Variants in NAA11 observed in about 807,000 individuals in gnomAD.
NAA11 encodes N-alpha-acetyltransferase 11, NatA catalytic subunit.
NAA11 carries 15 observed loss-of-function variants against 16.1 expected under a neutral mutation model. The observed-to-expected ratio is 0.93, with a 90% CI of 0.62 to 1.44. The LOEUF (loss-of-function observed/expected upper bound fraction) is 1.44, where lower values mean the gene tolerates loss of function less well. Ranked by LOEUF, NAA11 falls within the 40% of genes most tolerant of loss-of-function variation. NAA11 has a pLI of 0.00. For missense variants in NAA11, 298 were observed against 291.3 expected, an observed-to-expected ratio of 1.02 and a Z score of -0.17; for synonymous variants, 122 against 112.4, an observed-to-expected ratio of 1.09 and a Z score of -0.54.
At chr4:79,266,439 A>G (rs1722347092) in intron 2 of NAA11, among the ~76,000 whole-genome samples, 1 of 152,190 alleles carries the variant, frequency 6.6e-6, no homozygotes. Context: ...GAAGAGAGAC[A>G]AAAGAAACCT....
the NAA11 span, among the ~76,000 whole-genome samples, chr4:79,201,097 A>T: frequency 9.8e-4 from 148 of 151,744 alleles, no homozygotes; most frequent in African/African-American, 3.4e-3. Context: ...TGCTATTCTT[A>T]GAAAATAAGG....
chr4:79,274,323 A>G (rs1240334586), intron 2 of NAA11, among the ~76,000 whole-genome samples: 1 of 152,042 alleles, frequency 6.6e-6, no homozygotes, highest in Non-Finnish European at 1.5e-5. Context: ...GAAGAACAAG[A>G]GGTGAAGTAC....
chr4:79,321,818 A>G lies in NAA11; in HGVS notation c.*12+3358T>C, dbSNP rs1724096307. Among the ~76,000 whole-genome samples, 4 of 152,232 alleles carry G rather than the reference A, an allele frequency of 2.6e-5. No individual in the cohort carries two copies. In the South Asian group the frequency reaches 8.3e-4, roughly 32 times the overall value. On this transcript the variant is annotated intron_variant, in intron 1 of 1. Coordinates refer to ENST00000286794, the MANE Select transcript of NAA11 (RefSeq NM_032693.3). ...AACACAAAGCACATATATTACAACA[A>G]AAGTATTTTTAAAATAGTTTGATAA...
chr4:79,171,042 C>T, the NAA11 span, among the ~76,000 whole-genome samples: 54 of 152,254 alleles, frequency 3.5e-4, no homozygotes, highest in South Asian at 8.3e-4. Flanking sequence ...ATGTTGATAA[C>T]ATAGTGCTTG....
chr4:79,219,240 G>A, the NAA11 span, among the ~76,000 whole-genome samples: 1 of 152,088 alleles, frequency 6.6e-6, no homozygotes, highest in Non-Finnish European at 1.5e-5. Context: ...TTGGATGAGG[G>A]TTAAATGAAG....
intron 2 of NAA11, among the ~76,000 whole-genome samples, chr4:79,269,492 G>A (rs1456249590): frequency 3.4e-4 from 50 of 147,344 alleles, no homozygotes; most frequent in African/African-American, 1.2e-3. Flanking sequence ...TGGCTGCATA[G>A]ATGTCTTCTT....
chr4:79,170,083 C>T, the NAA11 span, among the ~76,000 whole-genome samples: 1 of 152,154 alleles, frequency 6.6e-6, no homozygotes, highest in Non-Finnish European at 1.5e-5. Context: ...CCTTGATGAA[C>T]AGAATGCATC....
intron 2 of NAA11, among the ~76,000 whole-genome samples, chr4:79,283,955 T>G (rs1560447522): frequency 6.6e-6 from 1 of 152,080 alleles, no homozygotes. Context: ...GCCACAGAGC[T>G]TAGGGCTTTT....
At chr4:79,184,081 C>G in the NAA11 span, among the ~76,000 whole-genome samples, 1 of 152,264 alleles carries the variant, frequency 6.6e-6, no homozygotes, top group South Asian at 2.1e-4. Context: ...ATTTGAAGAC[C>G]TGATGCTTCT....
chr4:79,273,791 T>G (rs1722553554), intron 2 of NAA11, among the ~76,000 whole-genome samples: 1 of 152,088 alleles, frequency 6.6e-6, no homozygotes, highest in African/African-American at 2.4e-5. Context: ...AAGCAGAACA[T>G]GTATTCCTCT....
intron 2 of NAA11, among the ~76,000 whole-genome samples, chr4:79,274,524 C>T (rs1722601576): frequency 6.6e-6 from 1 of 152,046 alleles, no homozygotes; most frequent in South Asian, 2.1e-4. Context: ...AAGCCTAATA[C>T]AGGGATTAAG....
the NAA11 span, among the ~76,000 whole-genome samples, chr4:79,220,065 GCATGCTCACTGCTA>G: frequency 1.3e-5 from 2 of 152,204 alleles, no homozygotes; most frequent in Non-Finnish European, 2.9e-5. Flanking sequence ...ATCTGGGCTA[GCATGCTCACTGCTA>G]CAAGACTGTC....
chr4:79,294,303 C>G (rs183335844), intron 1 of NAA11, among the ~76,000 whole-genome samples: 19 of 152,254 alleles, frequency 1.2e-4, no homozygotes, highest in Admixed American at 4.6e-4. Context: ...ACTTACCCTA[C>G]AATCAAGGAA....
chr4:79,296,298 T>C (rs1305944393), intron 1 of NAA11, among the ~76,000 whole-genome samples: 2 of 152,160 alleles, frequency 1.3e-5, no homozygotes, highest in Admixed American at 1.3e-4. Context: ...TTGTCCAGAG[T>C]TACACAGCTT....
chr4:79,163,180 T>A, the NAA11 span, among the ~76,000 whole-genome samples: 2 of 152,248 alleles, frequency 1.3e-5, no homozygotes, highest in East Asian at 3.9e-4. Flanking sequence ...TCTTTTAGAG[T>A]TGGCAGCACA....
chr4:79,222,950 AT>A (rs1318588827), downstream of NAA11, among the ~76,000 whole-genome samples: 2 of 147,694 alleles, frequency 1.4e-5, no homozygotes, highest in African/African-American at 2.5e-5. Context: ...ATGAGATACC[AT>A]CTCACACCAG....
chr4:79,188,443 G>T, the NAA11 span, among the ~76,000 whole-genome samples: 1 of 151,974 alleles, frequency 6.6e-6, no homozygotes, highest in South Asian at 2.1e-4. Flanking sequence ...AAATTAGCCC[G>T]GCCTAGTGGT....
At chr4:79,201,176 A>T in the NAA11 span, among the ~76,000 whole-genome samples, 1 of 151,722 alleles carries the variant, frequency 6.6e-6, no homozygotes, top group South Asian at 2.1e-4. Flanking sequence ...CCTTTAGATT[A>T]TTCCCAAATT....
intron 2 of NAA11, among the ~76,000 whole-genome samples, chr4:79,278,125 A>C (rs1722704449): frequency 6.6e-6 from 1 of 151,960 alleles, no homozygotes; most frequent in Admixed American, 6.6e-5. Context: ...AGCCAGTCCT[A>C]GGGATTTAAA....
Sources: gnomAD v4.1 joint callset for allele counts (sites outside exome capture counted in the v4.1 genomes callset) on GRCh38, gnomAD v4.1.1 for gene constraint, MANE v1.5 for transcripts, NCBI Gene and HGNC (gene_info 2026-07-23, HGNC 2026-07-21) for gene names.